SEPTIN11: variants seen among roughly 807,000 people sequenced by gnomAD.
SEPTIN11 encodes septin-11.
Under a neutral mutation model 51.4 loss-of-function variants are expected in SEPTIN11, and 25 were observed. The ratio of observed to expected loss-of-function variants is 0.49; its 90% CI spans 0.35 to 0.68. The LOEUF (loss-of-function observed/expected upper bound fraction) is 0.68. Among genes scored for constraint, SEPTIN11 ranks in the 30% least tolerant of loss-of-function variants. SEPTIN11 has a pLI of 0.00. For synonymous variants in SEPTIN11, 174 were observed against 184.1 expected (o/e 0.95, Z 0.44); for missense variants, 381 against 520.8 (o/e 0.73, Z 2.61).
chr4:77,018,259 G>A (rs1216726644), intron 5 of SEPTIN11, among the ~76,000 whole-genome samples: 1 of 152,090 alleles, frequency 6.6e-6, no homozygotes, highest in East Asian at 1.9e-4. Context: ...GACCATCCTG[G>A]CTAACACGGT....
intron 7 of SEPTIN11, among the ~76,000 whole-genome samples, chr4:77,022,208 A>G (rs567037118): frequency 6.6e-6 from 1 of 152,336 alleles, no homozygotes; most frequent in South Asian, 2.1e-4. Context: ...TCATGCAAAG[A>G]GATATGGAAC....
Position 77,011,743 on chromosome 4 carries a change from C to T in SEPTIN11, c.347C>T (p.Pro116Leu), listed in dbSNP as rs752486817. 1.4e-5 allele frequency: 23 copies of T among 1,613,656 alleles called. No individual in the cohort carries two copies. The highest frequency in any genetic ancestry group is 2.2e-5 in the East Asian group (1 of 44,854). ...DQINKDDSYK[P>L]IVEYIDAQFE... ...CTGTTTCTGCATTCTAGCTATAAGC[C>T]GATAGTAGAATATATTGATGCCCAG... The change falls in exon 4 of 10, where the codon CCG (proline) becomes CTG (leucine). Residue 116 changes from proline to leucine, a missense_variant. This residue lies in a region of SEPTIN11 where 184 missense variants were observed against 207.7 expected (regional missense o/e 0.89). Coordinates refer to ENST00000264893, the MANE Select transcript of SEPTIN11 (RefSeq NM_018243.4).
intron 1 of SEPTIN11, among the ~76,000 whole-genome samples, chr4:76,986,481 A>G (rs1723034634): frequency 6.6e-6 from 1 of 152,254 alleles, no homozygotes; most frequent in Non-Finnish European, 1.5e-5. Flanking sequence ...AAATGAGCTG[A>G]CAAAAGATAA....
chr4:77,012,035 C>T, intron 4 of SEPTIN11, 114 bp downstream of exon 4: 2 of 725,198 alleles, frequency 2.8e-6, no homozygotes, highest in Non-Finnish European at 4.3e-6. Flanking sequence ...ATTACAGGAA[C>T]AGTGTTTGAC....
In SEPTIN11 at chr4:77,029,767, TAC is replaced by T. The variant is rs1382556066; in HGVS notation, c.1087-1002_1087-1001del. Among the ~76,000 whole-genome samples the T allele has an allele frequency of 3.6e-4, 55 of 151,010 alleles. No individual in the cohort carries two copies. The East Asian group carries it at 4.3e-3, about 12-fold the overall frequency. On this transcript the variant is annotated intron_variant, in intron 8 of 9. Transcript: ENST00000264893. ...AATACATAATGCATATATATATATA[TAC>T]ACACACACACACATATATATACACA... is the stretch of plus-strand genomic sequence containing the variant.
At chr4:76,987,443 A>G (rs1723090940) in intron 1 of SEPTIN11, among the ~76,000 whole-genome samples, 1 of 152,192 alleles carries the variant, frequency 6.6e-6, no homozygotes, top group African/African-American at 2.4e-5. Context: ...CAGACATTTT[A>G]TATTATGAAA....
rs112872733 is a variant in SEPTIN11 at position 77,026,623 on chromosome 4, A to T, written c.954-2006A>T. ...TTTGACGTTGGAGCCCCTCTTTTGG[A>T]GATCCTTTCTTGAAATTGGTGGTCT... On this transcript the variant is annotated intron_variant, in intron 7 of 9. Transcript: ENST00000264893. Among the ~76,000 whole-genome samples, 509 of 152,250 alleles carry T rather than the reference A, an allele frequency of 3.3e-3. 2 individuals carry two copies. The highest frequency in any genetic ancestry group is 0.011 in the African/African-American group (477 of 41,552).
intron 4 of SEPTIN11, among the ~76,000 whole-genome samples, 168 bp from the exon 5 acceptor site, chr4:77,014,688 A>C (rs1413336007): frequency 1.4e-5 from 2 of 145,878 alleles, no homozygotes; most frequent in African/African-American, 2.5e-5. Context: ...GTAGGTACAT[A>C]GGAGGCGTAT....
rs1484195263 is a variant in SEPTIN11, at chr4:77,034,190, T to C, written c.1275-307T>C. Among the ~76,000 whole-genome samples the C allele has an allele frequency of 2.6e-5, 4 of 152,244 alleles. No homozygotes were observed. In the East Asian group the frequency reaches 5.8e-4, roughly 22 times the overall value. On this transcript the variant is annotated intron_variant, in intron 9 of 9. Coordinates refer to ENST00000264893, the MANE Select transcript of SEPTIN11 (RefSeq NM_018243.4). ...CCTAATAGATAATGGTTTTGTGTTA[T>C]TTGAGAAAACAAAAGCCAAACAGTA...
At chr4:76,950,434 G>A (rs1721281502) in intron 1 of SEPTIN11, among the ~76,000 whole-genome samples, 1 of 152,212 alleles carries the variant, frequency 6.6e-6, no homozygotes, top group South Asian at 2.1e-4. Context: ...GTGAGATCCC[G>A]GACACCCTCG....
Position 77,014,894 on chromosome 4 carries a change from T to A in SEPTIN11, c.564T>A (p.Ile188=), listed in dbSNP as rs1318336448. 16 of 1,614,032 alleles carry A rather than the reference T, an allele frequency of 9.9e-6. No homozygotes were observed. The highest frequency in any genetic ancestry group is 1.4e-5 in the Non-Finnish European group (16 of 1,180,016). ...IIPIIAKADT[I]AKNELHKFKS... is the part of the protein sequence containing the mutation. Reference sequence around the variant, plus strand: ...CAATAATTGCAAAAGCTGACACCATTGCCAAGAATGAACTGCACAAATTCA... The same window carrying A: ...CAATAATTGCAAAAGCTGACACCATAGCCAAGAATGAACTGCACAAATTCA... The change falls in exon 5 of 10, where the codon ATT becomes ATA. Residue 188 remains isoleucine, a synonymous_variant. Coordinates refer to ENST00000264893, the MANE Select transcript of SEPTIN11 (RefSeq NM_018243.4).
intron 5 of SEPTIN11, among the ~76,000 whole-genome samples, chr4:77,016,623 T>TATATACAC (rs1725276030): frequency 1.2e-5 from 1 of 84,876 alleles, no homozygotes; most frequent in Admixed American, 1.6e-4. Flanking sequence ...CACATATATA[T>TATATACAC]ATATATACAC....
chr4:76,953,262 A>G (rs908632945), intron 1 of SEPTIN11, among the ~76,000 whole-genome samples: 1 of 152,214 alleles, frequency 6.6e-6, no homozygotes, highest in African/African-American at 2.4e-5. Flanking sequence ...ATAGCAGTGG[A>G]CAAGTTTTCT....
intron 1 of SEPTIN11, among the ~76,000 whole-genome samples, chr4:76,975,053 T>C (rs779151660): frequency 2.0e-5 from 3 of 150,540 alleles, no homozygotes; most frequent in South Asian, 2.1e-4. Flanking sequence ...AACCCAGAGG[T>C]TGCAGTGAGC....
Position 77,035,038 on chromosome 4 carries a change from T to G in SEPTIN11, c.*526T>G, listed in dbSNP as rs905352522. ...ACAGACTGGTGAGCAAGCATTATATTTTATTTTTACCCTTGCATGACATTT... is the reference window on the plus strand; with the variant it reads ...ACAGACTGGTGAGCAAGCATTATATGTTATTTTTACCCTTGCATGACATTT... On this transcript the variant is annotated 3_prime_UTR_variant, in exon 10 of 10. Coordinates refer to ENST00000264893, the MANE Select transcript of SEPTIN11 (RefSeq NM_018243.4). 2 of 985,492 alleles carry G rather than the reference T, an allele frequency of 2.0e-6. No individual in the cohort carries two copies. The highest frequency in any genetic ancestry group is 3.5e-5 in the African/African-American group (2 of 57,242). The allele number at this position is 985,492 out of a possible 1,614,324, so 61.0% of individuals were successfully genotyped here.
intron 1 of SEPTIN11, chr4:76,995,897 C>T (rs1723682109): frequency 6.5e-7 from 1 of 1,535,580 alleles, no homozygotes; most frequent in South Asian, 1.2e-5. Flanking sequence ...GGAGAGGAAA[C>T]CAGCTCATGT....
rs1727095089 is a variant in SEPTIN11, at chr4:77,037,253, T to C, written c.*2741T>C. ...GGCACGTGCCTGTAGTCCCAGCTAC[T>C]TGGGAGGCTAAGTCAGGAGAATTGC... On this transcript the variant is annotated 3_prime_UTR_variant, in exon 10 of 10. Coordinates refer to ENST00000264893, the MANE Select transcript of SEPTIN11 (RefSeq NM_018243.4). 1 of 618,562 alleles carries C rather than the reference T, an allele frequency of 1.6e-6. No homozygotes were observed. The highest frequency in any genetic ancestry group is 2.0e-6 in the Non-Finnish European group (1 of 495,226). The allele number at this position is 618,562 out of a possible 1,614,324, so 38.3% of individuals were successfully genotyped here. A position where few individuals can be genotyped will look rare whatever the true frequency, so the allele number is the denominator to read the frequency against.
At chr4:76,962,506 A>G (rs1238643987) in intron 1 of SEPTIN11, among the ~76,000 whole-genome samples, 3 of 152,192 alleles carry the variant, frequency 2.0e-5, no homozygotes, top group Admixed American at 1.3e-4. Flanking sequence ...TTATCCCCAC[A>G]TGGGGAAACG....
chr4:76,969,649 A>G (rs911586844), intron 1 of SEPTIN11, among the ~76,000 whole-genome samples: 3 of 152,214 alleles, frequency 2.0e-5, no homozygotes, highest in African/African-American at 7.2e-5. Context: ...CGATAGGAGT[A>G]GGGTAAACTC....
Sources: allele counts gnomAD v4.1 joint callset (sites outside exome capture counted in the v4.1 genomes callset), GRCh38; gene constraint gnomAD v4.1.1; regional missense constraint gnomAD v4.1.1; transcripts MANE v1.5; gene names NCBI Gene and HGNC (gene_info 2026-07-23, HGNC 2026-07-21).